Variants in RGS22 observed in about 807,000 individuals in gnomAD.
The protein encoded by RGS22 is regulator of G protein signaling 22, also known as regulator of G-protein signaling 22.
RGS22 carries 148 observed loss-of-function variants against 172.9 expected under a neutral mutation model. The observed-to-expected ratio is 0.86, with a 90% confidence interval of 0.75 to 0.98. The LOEUF (loss-of-function observed/expected upper bound fraction) is 0.98, where lower values mean the gene tolerates loss of function less well. Ranked by LOEUF, RGS22 falls within the 50% of genes least tolerant of loss-of-function variation. The pLI, the probability that RGS22 is intolerant of heterozygous loss-of-function variation, is 0.00. For synonymous variants in RGS22, 458 were observed against 480.2 expected (o/e 0.95, Z 0.60); for missense variants, 1,347 against 1,440.8 (o/e 0.93, Z 1.05).
intron 14 of RGS22, among the ~76,000 whole-genome samples, chr8:100,020,456 C>A (rs1817496860): frequency 6.6e-6 from 1 of 152,146 alleles, no homozygotes; most frequent in African/African-American, 2.4e-5. Flanking sequence ...CTTTGGTAAG[C>A]ATAAGTGAGT....
At chr8:100,045,156 C>T (rs1351768925) in intron 11 of RGS22, among the ~76,000 whole-genome samples, 2 of 151,876 alleles carry the variant, frequency 1.3e-5, no homozygotes, top group Admixed American at 6.6e-5. Flanking sequence ...CACCTGTAGT[C>T]CTAGTTACTT....
intron 14 of RGS22, among the ~76,000 whole-genome samples, chr8:100,033,114 A>G (rs1431658225): frequency 6.6e-6 from 1 of 152,172 alleles, no homozygotes; most frequent in African/African-American, 2.4e-5. Flanking sequence ...AGAACTAGAG[A>G]AGCAAGAGCA....
At chr8:100,069,922 G>C (rs1012257563) in intron 6 of RGS22, among the ~76,000 whole-genome samples, 1 of 150,190 alleles carries the variant, frequency 6.7e-6, no homozygotes, top group East Asian at 2.0e-4. Flanking sequence ...CAGCTACTCG[G>C]AAGGCTGAGG....
Position 100,080,366 on chromosome 8 carries a change from A to T in RGS22, c.118-11T>A, listed in dbSNP as rs1481913675. 4 of 1,573,110 alleles carry T rather than the reference A, an allele frequency of 2.5e-6. No homozygotes were observed. Among genetic ancestry groups the T allele is most frequent in the Middle Eastern group, 1.8e-4 (1 of 5,598 alleles). ...TGCCTCTGAAAAGGTCTGCAATATA[A>T]ATTTGTGGAAATTAAAACATTTTTT... On this transcript the variant is annotated splice_polypyrimidine_tract_variant and intron_variant, in intron 3 of 27. Transcript: ENST00000360863.
intron 14 of RGS22, among the ~76,000 whole-genome samples, chr8:100,030,795 A>C (rs559019513): frequency 6.6e-6 from 1 of 152,198 alleles, no homozygotes; most frequent in Admixed American, 6.5e-5. Context: ...ACTAAAGGAT[A>C]GTCTTCAGGA....
intron 3 of RGS22, among the ~76,000 whole-genome samples, chr8:100,082,711 A>G (rs1459790697): frequency 6.6e-6 from 1 of 152,170 alleles, no homozygotes; most frequent in Admixed American, 6.5e-5. Flanking sequence ...TCTTTAATAC[A>G]CTGCCTCACG....
intron 18 of RGS22, among the ~76,000 whole-genome samples, chr8:100,001,269 C>T (rs1340206446): frequency 3.8e-5 from 4 of 106,620 alleles, no homozygotes; most frequent in Non-Finnish European, 8.1e-5. Context: ...GTCTCACTCA[C>T]TCTGTTGTCT....
At chr8:99,991,186 TA>T (rs1179193600) in intron 20 of RGS22, among the ~76,000 whole-genome samples, 1 of 152,218 alleles carries the variant, frequency 6.6e-6, no homozygotes, top group African/African-American at 2.4e-5. Flanking sequence ...CTGAAAATTC[TA>T]AAAATCACAG....
chr8:100,051,710 T>TTTATATATGTTTATAC lies in RGS22; in HGVS notation c.1689+1091_1689+1092insGTATAAACATATATAA, dbSNP rs1563670799. ...ATATATATTTATATATACGTATATA[T>TTTATATATGTTTATAC]AAATATATATTTATATATACGTATA... On this transcript the variant is annotated intron_variant, in intron 10 of 27. Transcript: ENST00000360863. Among the ~76,000 whole-genome samples, 2 of 29,586 alleles carry TTTATATATGTTTATAC rather than the reference T, an allele frequency of 6.8e-5. 1 individual carries two copies. Among genetic ancestry groups the TTTATATATGTTTATAC allele is most frequent in the African/African-American group, 7.4e-4 (2 of 2,706 alleles). 19.4% of individuals were successfully genotyped at this position (29,586 alleles called of 152,430 possible). A position where few individuals can be genotyped will look rare whatever the true frequency, so the allele number is the denominator to read the frequency against.
intron 4 of RGS22, among the ~76,000 whole-genome samples, chr8:100,073,649 C>T (rs139380662): frequency 3.3e-5 from 5 of 152,280 alleles, no homozygotes; most frequent in Admixed American, 6.5e-5. Flanking sequence ...GACTCCTGAA[C>T]GCCCACTAGC....
Position 100,080,301 on chromosome 8 carries a change from T to C in RGS22, c.172A>G (p.Asn58Asp), listed in dbSNP as rs376807385. The C allele has an allele frequency of 3.1e-6, 5 of 1,613,650 alleles. No homozygotes were observed. In the African/African-American group the frequency reaches 5.3e-5, roughly 17 times the overall value. Residue 58 changes from asparagine to aspartate, a missense_variant, in exon 4 of 28, where the codon AAT (asparagine) becomes GAT (aspartate). By Grantham distance (23) the Asn-to-Asp change is conservative. Coordinates refer to ENST00000360863, the MANE Select transcript of RGS22 (RefSeq NM_015668.5). ...TTTTCCAGAAATTGTGGAGCATCAT[T>C]AGCTACTTCAAAAACTCCATAATCT... Reference protein sequence around the residue: ...NADYGVFEVANDAPQFLEKQL... With the variant: ...NADYGVFEVADDAPQFLEKQL...
chr8:100,096,635 G>T (rs1191565306), intron 2 of RGS22, among the ~76,000 whole-genome samples: 4 of 138,138 alleles, frequency 2.9e-5, no homozygotes, highest in African/African-American at 5.4e-5. Context: ...ACAGGTTCTT[G>T]CTCTGTCACT....
chr8:100,052,765 A>G, intron 10 of RGS22, 37 bp downstream of exon 10: 4 of 1,576,986 alleles, frequency 2.5e-6, no homozygotes, highest in Non-Finnish European at 3.5e-6. Context: ...TTTTACTACA[A>G]ACTTAGTAGA....
chr8:100,062,481 G>A, intron 9 of RGS22, 110 bp downstream of exon 9: 1 of 702,982 alleles, frequency 1.4e-6, no homozygotes, highest in Non-Finnish European at 2.4e-6. Flanking sequence ...AGATACAATA[G>A]TCTTGTCATT....
intron 14 of RGS22, among the ~76,000 whole-genome samples, chr8:100,018,212 CAAAA>C (rs68011450): frequency 9.6e-5 from 13 of 134,856 alleles, no homozygotes; most frequent in Admixed American, 1.5e-4. Flanking sequence ...GCATCTGTAT[CAAAA>C]AAAAAAAAAA....
At chr8:100,072,890 G>A (rs993373057) in intron 4 of RGS22, among the ~76,000 whole-genome samples, 2 of 152,144 alleles carry the variant, frequency 1.3e-5, no homozygotes, top group Admixed American at 6.5e-5. Flanking sequence ...AACCATAAGT[G>A]TAGCAGTATT....
At chr8:100,072,099 A>G in intron 5 of RGS22, 46 bp downstream of exon 5, 1 of 1,134,350 alleles carries the variant, frequency 8.8e-7, no homozygotes, top group South Asian at 1.3e-5. Flanking sequence ...TTGGGAGGCT[A>G]ATATATATGT....
intron 2 of RGS22, among the ~76,000 whole-genome samples, chr8:100,098,199 G>A (rs1183203021): frequency 2.0e-5 from 3 of 152,092 alleles, no homozygotes; most frequent in Non-Finnish European, 4.4e-5. Flanking sequence ...GGAGGAAAAG[G>A]GCTGTTTCCT....
intron 14 of RGS22, among the ~76,000 whole-genome samples, chr8:100,015,210 T>C (rs1816814869): frequency 6.6e-6 from 1 of 152,216 alleles, no homozygotes; most frequent in African/African-American, 2.4e-5. Flanking sequence ...AGACCCTCAA[T>C]GACTCAATAA....
Sources: gnomAD v4.1 joint callset for allele counts (sites outside exome capture counted in the v4.1 genomes callset) on GRCh38, gnomAD v4.1.1 for gene constraint, MANE v1.5 for transcripts, NCBI Gene and HGNC (gene_info 2026-07-23, HGNC 2026-07-21) for gene names.